Variants in CDADC1 observed in about 807,000 individuals in gnomAD.
CDADC1 encodes the protein dCTP deaminase.
Under a neutral mutation model 54.9 loss-of-function variants are expected in CDADC1, and 39 were observed. The observed-to-expected ratio is 0.71, with a 90% confidence interval of 0.55 to 0.93. CDADC1 has a LOEUF of 0.93. CDADC1 is among the 40% of genes least tolerant of loss of function. The pLI, the probability that CDADC1 is intolerant of heterozygous loss-of-function variation, is 0.00. For synonymous variants in CDADC1, 186 were observed against 204.0 expected, an observed-to-expected ratio of 0.91 and a Z score of 0.75; for missense variants, 518 against 618.8, an observed-to-expected ratio of 0.84 and a Z score of 1.73.
intron 6 of CDADC1, among the ~76,000 whole-genome samples, chr13:49,277,569 T>C (rs1953186061): frequency 6.6e-6 from 1 of 152,200 alleles, no homozygotes; most frequent in South Asian, 2.1e-4. Context: ...ATGAAGCTGC[T>C]ACAGTAATGA....
chr13:49,249,098 A>G (rs1478932124), intron 2 of CDADC1, 133 bp downstream of exon 2: 1 of 620,548 alleles, frequency 1.6e-6, no homozygotes, highest in East Asian at 2.7e-5. Flanking sequence ...TTATTGATTA[A>G]CATGACACTT....
rs760506329 is a variant in CDADC1 at position 49,259,346 on chromosome 13, G to A, written c.253G>A (p.Val85Ile). 8 of 1,597,040 alleles carry A rather than the reference G, an allele frequency of 5.0e-6. No individual in the cohort carries two copies. In the Admixed American group the frequency reaches 8.5e-5, roughly 17 times the overall value. ...GTTGTTATTTTATATCTTAATGTAG[G>A]TAAAGAGAACTGGTCTTGTGGTGGT... ...RTRVSTDKRQ[V>I]KRTGLVVVKN... The change falls in exon 4 of 10, where the codon GTA becomes ATA. Residue 85 changes from valine to isoleucine, a missense_variant and splice_region_variant. Coordinates refer to ENST00000251108, the MANE Select transcript of CDADC1 (RefSeq NM_030911.4).
intron 2 of CDADC1, among the ~76,000 whole-genome samples, chr13:49,254,143 A>G (rs1443067547): frequency 1.3e-5 from 2 of 152,094 alleles, no homozygotes; most frequent in African/African-American, 2.4e-5. Context: ...TACTGTTATT[A>G]TCATCACTCA....
rs538991803 is a variant in CDADC1 at position 49,290,067 on chromosome 13, A to G, written c.1472-1617A>G. ...CCTGTCTCAAAAAATATATAAATAAATAAATAAAATATACTTTAATATATA... is the reference window on the plus strand; with the variant it reads ...CCTGTCTCAAAAAATATATAAATAAGTAAATAAAATATACTTTAATATATA... On this transcript the variant is annotated intron_variant, in intron 9 of 9. Transcript: ENST00000251108. 3.3e-5 allele frequency among the ~76,000 whole-genome samples: 5 copies of G among 151,970 alleles called. No individual in the cohort carries two copies. The South Asian group carries it at 1.0e-3, about 32-fold the overall frequency.
At position 49,292,950 on chromosome 13, in the gene CDADC1, C is replaced by A; in HGVS notation, c.*1193C>A. 2.4e-6 allele frequency: 1 copy of A among 408,654 alleles called. No individual in the cohort carries two copies. The highest frequency in any genetic ancestry group is 4.3e-6 in the Non-Finnish European group (1 of 234,428). The allele number at this position is 408,654 out of a possible 1,614,324, so 25.3% of individuals were successfully genotyped here. ...CGACCATCCAAACATTGGCTCCATG[C>A]CAGGGCTGTGACTGCAGCCTGTGTA... On this transcript the variant is annotated 3_prime_UTR_variant, in exon 10 of 10. Coordinates refer to ENST00000251108, the MANE Select transcript of CDADC1 (RefSeq NM_030911.4).
At chr13:49,286,156 C>T (rs1201242258) in intron 8 of CDADC1, 66 bp from the exon 9 acceptor site, 1 of 1,260,608 alleles carries the variant, frequency 7.9e-7, no homozygotes, top group Non-Finnish European at 1.1e-6. Flanking sequence ...TATTTAAAAT[C>T]AATGTGCTGG....
At position 49,275,795 on chromosome 13, in the gene CDADC1, A is replaced by AGT. The variant is rs1566370324; in HGVS notation, c.1050+1456_1050+1457dup. 1.1e-3 allele frequency among the ~76,000 whole-genome samples: 119 copies of AGT among 104,480 alleles called. 16 individuals are homozygous for AGT. The highest frequency in any genetic ancestry group is 1.6e-3 in the Non-Finnish European group (82 of 52,204). The allele number at this position is 104,480 out of a possible 152,430, so 68.5% of individuals were successfully genotyped here. A position where few individuals can be genotyped will look rare whatever the true frequency, so the allele number is the denominator to read the frequency against. ...GAGAGAGAGAGAGAGAGAGAGAGAGAGTCTCACTCTGTTGCCAGGCTGGAG... is the reference window on the plus strand; with the variant it reads ...GAGAGAGAGAGAGAGAGAGAGAGAGAGTGTCTCACTCTGTTGCCAGGCTGGAG... On this transcript the variant is annotated intron_variant, in intron 6 of 9. Coordinates refer to ENST00000251108, the MANE Select transcript of CDADC1 (RefSeq NM_030911.4).
At chr13:49,251,762 A>G (rs1952438982) in intron 2 of CDADC1, among the ~76,000 whole-genome samples, 1 of 152,238 alleles carries the variant, frequency 6.6e-6, no homozygotes, top group Non-Finnish European at 1.5e-5. Flanking sequence ...TAAAAAAAAT[A>G]CTACCAAGGA....
rs781455314 is a variant in CDADC1, at chr13:49,280,532, AAAG to A, written c.1248_1250del (p.Arg416del). ...AGGTGTCAAGAAATAAAACCAGAAG[AAAG>A]AAGCATGATTTTTGTGACAAAGTGC... is the stretch of plus-strand genomic sequence containing the variant. On this transcript the variant is annotated inframe_deletion, in exon 8 of 10. Transcript: ENST00000251108. 2 of 1,451,638 alleles carry A rather than the reference AAAG, an allele frequency of 1.4e-6. No individual in the cohort carries two copies. The highest frequency in any genetic ancestry group is 1.8e-6 in the Non-Finnish European group (2 of 1,096,144). The allele number at this position is 1,451,638 out of a possible 1,614,324, so 89.9% of individuals were successfully genotyped here.
At chr13:49,285,562 G>A (rs373758429) in intron 8 of CDADC1, among the ~76,000 whole-genome samples, 12 of 152,106 alleles carry the variant, frequency 7.9e-5, no homozygotes, top group African/African-American at 2.7e-4. Flanking sequence ...AATACAATGC[G>A]ATGTTAATTC....
chr13:49,282,396 C>T (rs191273923), intron 8 of CDADC1, among the ~76,000 whole-genome samples: 10 of 152,118 alleles, frequency 6.6e-5, no homozygotes, highest in Middle Eastern at 3.4e-3. Flanking sequence ...AAGCATGAGC[C>T]ACTGTTCTCA....
At chr13:49,265,861 T>A (rs1452272302) in intron 4 of CDADC1, 1 of 1,300,714 alleles carries the variant, frequency 7.7e-7, no homozygotes, top group Admixed American at 2.3e-5. Context: ...AAAGAGGATT[T>A]TTCCCCTCTT....
intron 8 of CDADC1, among the ~76,000 whole-genome samples, chr13:49,285,618 G>T (rs1369487311): frequency 6.6e-6 from 1 of 152,050 alleles, no homozygotes; most frequent in Non-Finnish European, 1.5e-5. Context: ...CCTGTAGTTA[G>T]GGTGTAACCT....
At chr13:49,281,747 C>G (rs1953342671) in intron 8 of CDADC1, among the ~76,000 whole-genome samples, 1 of 152,146 alleles carries the variant, frequency 6.6e-6, no homozygotes, top group Non-Finnish European at 1.5e-5. Context: ...CACAAACACA[C>G]ACATTTCTCA....
At chr13:49,288,415 T>C (rs917379613) in intron 9 of CDADC1, among the ~76,000 whole-genome samples, 1 of 152,208 alleles carries the variant, frequency 6.6e-6, no homozygotes, top group African/African-American at 2.4e-5. Context: ...TTTCAGAACA[T>C]TTTCATTATC....
chr13:49,254,937 G>A (rs1406948446), intron 2 of CDADC1, among the ~76,000 whole-genome samples: 1 of 152,128 alleles, frequency 6.6e-6, no homozygotes, highest in African/African-American at 2.4e-5. Context: ...TTTCCCTCAT[G>A]GATATACCTG....
chr13:49,280,838 A>ATTATT, intron 8 of CDADC1, 140 bp downstream of exon 8: 2 of 185,260 alleles, frequency 1.1e-5, no homozygotes, highest in East Asian at 1.4e-4. Flanking sequence ...TTATTATTTT[A>ATTATT]TTATTATTAT....
At chr13:49,276,708 C>G (rs1003465058) in intron 6 of CDADC1, among the ~76,000 whole-genome samples, 6 of 152,188 alleles carry the variant, frequency 3.9e-5, no homozygotes, top group African/African-American at 1.4e-4. Flanking sequence ...GCCAGAAATT[C>G]CTCAGCACTC....
At chr13:49,288,776 C>A (rs1054116528) in intron 9 of CDADC1, among the ~76,000 whole-genome samples, 2 of 152,112 alleles carry the variant, frequency 1.3e-5, no homozygotes, top group African/African-American at 2.4e-5. Flanking sequence ...CTCTCAAGTG[C>A]CCTTCCACTC....
Sources: allele counts gnomAD v4.1 joint callset (sites outside exome capture counted in the v4.1 genomes callset), GRCh38; gene constraint gnomAD v4.1.1; transcripts MANE v1.5; gene names NCBI Gene and HGNC (gene_info 2026-07-23, HGNC 2026-07-21).